THRAP3: variants seen among roughly 807,000 people sequenced by gnomAD.
THRAP3 encodes the protein thyroid hormone receptor-associated protein 3.
A neutral mutation model predicts 101.0 loss-of-function variants in THRAP3; 16 were observed. The ratio of observed to expected loss-of-function variants is 0.16; its 90% CI spans 0.11 to 0.24. THRAP3 has a LOEUF of 0.24. Among genes scored for constraint, THRAP3 ranks in the 10% least tolerant of loss-of-function variants. The probability of loss-of-function intolerance (pLI) is 1.00; values close to 1 mark genes in which losing one functional copy is unlikely to be tolerated. For synonymous variants in THRAP3, 407 were observed against 422.6 expected (o/e 0.96, Z 0.45); for missense variants, 989 against 1,202.7 (o/e 0.82, Z 2.63).
At chr1:36,294,966 G>A (rs1645926145) in intron 8 of THRAP3, among the ~76,000 whole-genome samples, 1 of 152,224 alleles carries the variant, frequency 6.6e-6, no homozygotes. Context: ...GCTCAAGCCT[G>A]TAATCCCAGC....
intron 7 of THRAP3, among the ~76,000 whole-genome samples, chr1:36,292,998 G>A (rs1411385762): frequency 6.8e-6 from 1 of 147,410 alleles, no homozygotes; most frequent in East Asian, 2.0e-4. Flanking sequence ...AGTTTCTGTA[G>A]GTAGAGTAAA....
chr1:36,273,805 G>A (rs1313741123), intron 2 of THRAP3, among the ~76,000 whole-genome samples: 1 of 152,142 alleles, frequency 6.6e-6, no homozygotes, highest in Non-Finnish European at 1.5e-5. Flanking sequence ...ACTTTGGGAG[G>A]CCGAGGTGGC....
Position 36,282,607 on chromosome 1 carries a change from G to C in THRAP3, c.44G>C (p.Arg15Pro). 1.2e-5 allele frequency: 20 copies of C among 1,613,874 alleles called. No homozygotes were observed. Among genetic ancestry groups the C allele is most frequent in the Non-Finnish European group, 1.6e-5 (19 of 1,179,970 alleles). ...NKSKSGSRSS[R>P]SRSASRSRSR... ...TCCAAGTCTGGATCTCGCTCTTCTC[G>C]CTCAAGATCTGCATCAAGATCTCGT... is the stretch of plus-strand genomic sequence containing the variant. The change falls in exon 3 of 12, where the codon CGC (arginine) becomes CCC (proline). Residue 15 changes from arginine (R) to proline (P), a missense_variant. Transcript: ENST00000354618.
chr1:36,208,946 C>T, the THRAP3 span, among the ~76,000 whole-genome samples: 4 of 140,496 alleles, frequency 2.8e-5, no homozygotes, highest in Non-Finnish European at 3.0e-5. Flanking sequence ...GGATTACAGA[C>T]GTGAGCCACC....
chr1:36,268,826 A>G (rs1226589565), intron 2 of THRAP3, among the ~76,000 whole-genome samples: 2 of 151,984 alleles, frequency 1.3e-5, no homozygotes, highest in East Asian at 3.9e-4. Flanking sequence ...CCCAGGTTCA[A>G]GCGATTCTCC....
rs1020617068 is a variant in THRAP3, at chr1:36,304,715, C to T, written c.*698C>T. 17 of 216,244 alleles carry T rather than the reference C, an allele frequency of 7.9e-5. 1 individual carries two copies. The highest frequency in any genetic ancestry group is 1.7e-4 in the Admixed American group (3 of 17,154). 13.4% of individuals were successfully genotyped at this position (216,244 alleles called of 1,614,324 possible). On this transcript the variant is annotated 3_prime_UTR_variant, in exon 12 of 12. Coordinates refer to ENST00000354618, the MANE Select transcript of THRAP3 (RefSeq NM_005119.4). ...TTGCTCCTTACCACACCTCACGTGC[C>T]CCTGAGCCCTATTTCCTGATTTCTT...
rs1645836024 is a variant in THRAP3 at position 36,289,364 on chromosome 1, G to GAA, written c.1346_1347dup (p.Pro450AsnfsTer9). ...AAGAAAGGAATCTGAGTTTGATGATGAACCCAAATTTATGTCTAAAGTCAT... is the reference window on the plus strand; with the variant it reads ...AAGAAAGGAATCTGAGTTTGATGATGAAAACCCAAATTTATGTCTAAAGTCAT... On this transcript the variant is annotated frameshift_variant, in exon 5 of 12. Coordinates refer to ENST00000354618, the MANE Select transcript of THRAP3 (RefSeq NM_005119.4). LOFTEE classifies it high-confidence loss of function. The GAA allele has an allele frequency of 6.2e-7, 1 of 1,613,982 alleles. No individual in the cohort carries two copies. Among genetic ancestry groups the GAA allele is most frequent in the Non-Finnish European group, 8.5e-7 (1 of 1,180,026 alleles).
intron 1 of THRAP3, among the ~76,000 whole-genome samples, chr1:36,228,818 C>T (rs528373719): frequency 1.7e-4 from 26 of 152,242 alleles, no homozygotes; most frequent in Non-Finnish European, 2.4e-4. Flanking sequence ...ATGTTCTAGA[C>T]CATATAATGC....
intron 1 of THRAP3, among the ~76,000 whole-genome samples, chr1:36,243,367 T>A (rs940772652): frequency 1.3e-5 from 2 of 151,780 alleles, no homozygotes; most frequent in African/African-American, 4.8e-5. Flanking sequence ...TTTGTGTCCC[T>A]GGGTACTTGA....
At chr1:36,288,288 G>A (rs1302472061) in intron 4 of THRAP3, 1 of 807,290 alleles carries the variant, frequency 1.2e-6, no homozygotes, top group East Asian at 1.3e-4. Context: ...CCAGTGTGTA[G>A]TTTTTTATCC....
At position 36,301,608 on chromosome 1, in the gene THRAP3, A is replaced by G; in HGVS notation, c.2558A>G (p.Asn853Ser). The G allele has an allele frequency of 6.2e-7, 1 of 1,614,184 alleles. No homozygotes were observed. The highest frequency in any genetic ancestry group is 8.5e-7 in the Non-Finnish European group (1 of 1,180,032). ...AGAGGCAACTACTCTGGGAACAATA[A>G]CAACAACAGCAACAACGATTTTCAA... ...WGRGNYSGNN[N>S]NNSNNDFQKR... Residue 853 changes from asparagine (N) to serine (S), a missense_variant, in exon 11 of 12, where the codon AAC (asparagine) becomes AGC (serine). Physicochemically the swap from Asn to Ser is conservative, Grantham distance 46. Coordinates refer to ENST00000354618, the MANE Select transcript of THRAP3 (RefSeq NM_005119.4).
chr1:36,267,964 G>A lies in THRAP3; in HGVS notation c.-32+8480G>A, dbSNP rs1373696521. Among the ~76,000 whole-genome samples, 3 of 115,364 alleles carry A rather than the reference G, an allele frequency of 2.6e-5. 1 individual carries two copies. Among genetic ancestry groups the A allele is most frequent in the Non-Finnish European group, 5.6e-5 (3 of 53,432 alleles). 75.7% of individuals were successfully genotyped at this position (115,364 alleles called of 152,430 possible). ...GGAGGCCGAGGCAGATGGATCACTT[G>A]AGGCCAGGAGTTCAAGACCAGCCTG... On this transcript the variant is annotated intron_variant, in intron 2 of 11. Transcript: ENST00000354618.
rs572471595 is a variant in THRAP3 at position 36,267,403 on chromosome 1, A to G, written c.-32+7919A>G. On this transcript the variant is annotated intron_variant, in intron 2 of 11. Coordinates refer to ENST00000354618, the MANE Select transcript of THRAP3 (RefSeq NM_005119.4). ...AGCAATACAGCTGTTCCGAATCATC[A>G]TTTTACTGATGAAAAAATAGAGGTA... is the stretch of plus-strand genomic sequence containing the variant. Among the ~76,000 whole-genome samples the G allele has an allele frequency of 1.1e-4, 16 of 152,264 alleles. No individual in the cohort carries two copies. In the South Asian group the frequency reaches 3.1e-3, roughly 30 times the overall value.
At chr1:36,292,284 T>A (rs1645885023) in intron 6 of THRAP3, among the ~76,000 whole-genome samples, 1 of 122,102 alleles carries the variant, frequency 8.2e-6, no homozygotes, top group African/African-American at 3.0e-5. Flanking sequence ...TTTTTTTTTT[T>A]TTTTTGAGAC....
At position 36,303,546 on chromosome 1, in the gene THRAP3, CATT is replaced by C. The variant is rs550242572; in HGVS notation, c.2647-249_2647-247del. 2.0e-3 allele frequency among the ~76,000 whole-genome samples: 298 copies of C among 152,248 alleles called. 1 individual carries two copies. The highest frequency in any genetic ancestry group is 2.5e-3 in the Non-Finnish European group (171 of 68,016). On this transcript the variant is annotated intron_variant, in intron 11 of 11. Coordinates refer to ENST00000354618, the MANE Select transcript of THRAP3 (RefSeq NM_005119.4). ...GGGTTCTTGCTCAGTGAATCATCAT[CATT>C]GTCAATCATCGTTACAATGCCCAAG...
intron 2 of THRAP3, among the ~76,000 whole-genome samples, chr1:36,264,116 G>T (rs1645482888): frequency 6.6e-6 from 1 of 152,214 alleles, no homozygotes; most frequent in Admixed American, 6.5e-5. Flanking sequence ...CTGGAGTGCA[G>T]TGGCGCAGTC....
the THRAP3 span, among the ~76,000 whole-genome samples, chr1:36,217,411 G>A: frequency 1.3e-5 from 2 of 152,210 alleles, no homozygotes; most frequent in Non-Finnish European, 2.9e-5. Flanking sequence ...AATGAGGAGA[G>A]GAGAGGGCAG....
At chr1:36,243,990 TC>T (rs1645200381) in intron 1 of THRAP3, among the ~76,000 whole-genome samples, 1 of 133,436 alleles carries the variant, frequency 7.5e-6, no homozygotes, top group Non-Finnish European at 1.6e-5. Flanking sequence ...CCCACCTCCC[TC>T]CCGGACGGGG....
rs553953581 is a variant in THRAP3 at position 36,259,419 on chromosome 1, T to C, written c.-97T>C. The C allele has an allele frequency of 2.5e-6, 1 of 398,708 alleles. No individual in the cohort carries two copies. Among genetic ancestry groups the C allele is most frequent in the African/African-American group, 2.1e-5 (1 of 48,766 alleles). 24.7% of individuals were successfully genotyped at this position (398,708 alleles called of 1,614,324 possible). The stretch of plus-strand genomic sequence containing the variant: ...ACTTGTAAAGTGAAGAAGCCAGTGG[T>C]GCTGCGGGTGTTCTTTTGGGGTAGT... On this transcript the variant is annotated 5_prime_UTR_variant, in exon 2 of 12. Transcript: ENST00000354618.
Sources: gnomAD v4.1 joint callset for allele counts (sites outside exome capture counted in the v4.1 genomes callset) on GRCh38, gnomAD v4.1.1 for gene constraint, MANE v1.5 for transcripts, NCBI Gene and HGNC (gene_info 2026-07-23, HGNC 2026-07-21) for gene names.